The following MDM1 variants were observed in gnomAD, a reference collection of about 807,000 sequenced individuals.
MDM1 encodes stabilizer of axonemal microtubules 6, also known as Mdm1 nuclear protein.
A neutral mutation model predicts 89.1 loss-of-function variants in MDM1; 61 were observed. That is an observed-to-expected ratio of 0.68 (90% CI 0.56 to 0.85). MDM1 has a LOEUF of 0.85. Among genes scored for constraint, MDM1 ranks in the 40% least tolerant of loss-of-function variants. MDM1 has a pLI of 0.00. For missense variants in MDM1, 820 were observed against 846.5 expected, an observed-to-expected ratio of 0.97 and a Z score of 0.39; for synonymous variants, 290 against 294.1, an observed-to-expected ratio of 0.99 and a Z score of 0.14.
At chr12:68,327,199 A>C in intron 2 of MDM1, 178 bp from the exon 3 acceptor site, 1 of 1,397,442 alleles carries the variant, frequency 7.2e-7, no homozygotes, top group Non-Finnish European at 9.3e-7. Context: ...TTTCAACATA[A>C]AATATTTAAT....
At chr12:68,327,047 G>T in intron 2 of MDM1, 26 bp from the exon 3 acceptor site, 2 of 1,542,532 alleles carry the variant, frequency 1.3e-6, no homozygotes, top group South Asian at 2.5e-5. Context: ...TACAAAAATA[G>T]TAGCTACTAA....
intron 7 of MDM1, among the ~76,000 whole-genome samples, chr12:68,320,617 A>G (rs1033697889): frequency 3.9e-5 from 6 of 152,152 alleles, no homozygotes; most frequent in South Asian, 4.1e-4. Flanking sequence ...TCCCCATCCA[A>G]ATTATCCTTC....
intron 7 of MDM1, among the ~76,000 whole-genome samples, chr12:68,320,401 CAA>C (rs10603239): frequency 0.18 from 28,122 of 152,116 alleles, 2,958 homozygotes; most frequent in Admixed American, 0.26. Flanking sequence ...AGAAAGAAAG[CAA>C]AAGAGTGGCC....
intron 12 of MDM1, 108 bp from the exon 13 acceptor site, chr12:68,302,980 ATATG>A: frequency 1.0e-6 from 1 of 960,082 alleles, no homozygotes; most frequent in Non-Finnish European, 1.5e-6. Context: ...AGAAGGAGAA[ATATG>A]AGAGAATTTA....
At chr12:68,330,953 G>C in intron 2 of MDM1, 154 bp downstream of exon 2, 1 of 603,938 alleles carries the variant, frequency 1.7e-6, no homozygotes, top group East Asian at 2.7e-5. Context: ...ATAAATACTT[G>C]ATTAATAAAT....
intron 7 of MDM1, among the ~76,000 whole-genome samples, chr12:68,318,530 ATAT>A (rs529108150): frequency 1.2e-4 from 19 of 152,348 alleles, no homozygotes; most frequent in African/African-American, 4.3e-4. Flanking sequence ...CTCAGTGCTA[ATAT>A]TATATTTTAC....
intron 12 of MDM1, among the ~76,000 whole-genome samples, chr12:68,308,091 T>C (rs1873162346): frequency 6.6e-6 from 1 of 151,676 alleles, no homozygotes; most frequent in Non-Finnish European, 1.5e-5. Context: ...TCTGGGTTCT[T>C]GCCCTAGGGA....
Position 68,302,765 on chromosome 12 carries a change from A to G in MDM1, c.1857T>C (p.Ala619=), listed in dbSNP as rs760776935. ...EDSEDNIHKF[A]EATLPVSKIP... is the part of the protein sequence containing the mutation. ...TTTTTGAAACTGGAAGAGTTGCCTCAGCAAATTTGTGGATATTGTCTTCAG... is the reference window on the plus strand; with the variant it reads ...TTTTTGAAACTGGAAGAGTTGCCTCGGCAAATTTGTGGATATTGTCTTCAG... The change falls in exon 13 of 15, where the codon GCT becomes GCC. Residue 619 remains alanine, a synonymous_variant. Coordinates refer to ENST00000682720, the MANE Select transcript of MDM1 (RefSeq NM_001354969.2). 6.2e-7 allele frequency: 1 copy of G among 1,614,010 alleles called. No homozygotes were observed. Among genetic ancestry groups the G allele is most frequent in the South Asian group, 1.1e-5 (1 of 91,076 alleles).
At chr12:68,308,970 C>T (rs1285219128) in intron 12 of MDM1, among the ~76,000 whole-genome samples, 4 of 152,210 alleles carry the variant, frequency 2.6e-5, no homozygotes, top group Non-Finnish European at 4.4e-5. Flanking sequence ...TCCTACCCTC[C>T]TTCATCCAAG....
chr12:68,302,582 TATTTTA>T, intron 13 of MDM1, 32 bp downstream of exon 13: 1 of 1,559,492 alleles, frequency 6.4e-7, no homozygotes, highest in Admixed American at 1.8e-5. Flanking sequence ...CATAACACTT[TATTTTA>T]AAAGACAAAA....
chr12:68,329,634 T>A (rs922768885), intron 2 of MDM1, among the ~76,000 whole-genome samples: 2 of 152,206 alleles, frequency 1.3e-5, no homozygotes, highest in African/African-American at 4.8e-5. Context: ...TTAGGCTAAT[T>A]CATTCATTCA....
chr12:68,323,298 C>A, intron 4 of MDM1, 58 bp from the exon 5 acceptor site: 1 of 1,213,930 alleles, frequency 8.2e-7, no homozygotes, highest in South Asian at 1.5e-5. Flanking sequence ...GAACTTTGGT[C>A]TTCAATTACT....
At chr12:68,312,348 T>C (rs941766458) in intron 12 of MDM1, among the ~76,000 whole-genome samples, 2 of 152,220 alleles carry the variant, frequency 1.3e-5, no homozygotes, top group Non-Finnish European at 2.9e-5. Flanking sequence ...AAATGGCGAC[T>C]CCATCCTTAT....
At chr12:68,315,344 C>A in intron 9 of MDM1, 79 bp from the exon 10 acceptor site, 1 of 1,337,218 alleles carries the variant, frequency 7.5e-7, no homozygotes, top group South Asian at 1.4e-5. Context: ...GTGAGTCCAT[C>A]ATTTCCTTCT....
chr12:68,302,660 T>G lies in MDM1; in HGVS notation c.1962A>C (p.Arg654=). The change falls in exon 13 of 15, where the codon CGA becomes CGC. Residue 654 remains arginine, a synonymous_variant. Transcript: ENST00000682720. ...CTGGATCTCTAAGAGAGCCCTGAAT[T>G]CGTCGAGAGGGATGCCAGTAGGATG... is the stretch of plus-strand genomic sequence containing the variant. ...HVPSYWHPSR[R]IQGSLRDPEF... 1 of 1,613,826 alleles carries G rather than the reference T, an allele frequency of 6.2e-7. No individual in the cohort carries two copies. Among genetic ancestry groups the G allele is most frequent in the Non-Finnish European group, 8.5e-7 (1 of 1,179,842 alleles).
rs2306395 is a variant in MDM1 at position 68,315,417 on chromosome 12, T to C, written c.1212-152A>G. The C allele has an allele frequency of 9.2e-4, 630 of 683,090 alleles. 5 individuals are homozygous for C. The East Asian group carries it at 0.014, about 15-fold the overall frequency. 42.3% of individuals were successfully genotyped at this position (683,090 alleles called of 1,614,324 possible). A position where few individuals can be genotyped will look rare whatever the true frequency, so the allele number is the denominator to read the frequency against. The stretch of plus-strand genomic sequence containing the variant: ...TGCTCAGGTATTGAAGAAGGAAATC[T>C]AATTCGTTTTATAGCAAAATAAATG... On this transcript the variant is annotated intron_variant, in intron 9 of 14. Transcript: ENST00000682720.
intron 12 of MDM1, among the ~76,000 whole-genome samples, chr12:68,311,237 C>T (rs1268975018): frequency 1.3e-5 from 2 of 152,150 alleles, no homozygotes; most frequent in Non-Finnish European, 2.9e-5. Context: ...TGGAGAAGGG[C>T]ACACAACCCT....
chr12:68,316,722 C>A, intron 7 of MDM1, 112 bp from the exon 8 acceptor site: 1 of 862,108 alleles, frequency 1.2e-6, no homozygotes, highest in Non-Finnish European at 1.8e-6. Flanking sequence ...CCAAACTTGT[C>A]AATCAATATT....
intron 12 of MDM1, among the ~76,000 whole-genome samples, chr12:68,308,010 GCCTC>G (rs1431061995): frequency 6.7e-6 from 1 of 149,880 alleles, no homozygotes; most frequent in African/African-American, 2.5e-5. Flanking sequence ...TCCTTACTCG[GCCTC>G]CCTTTCTAAT....
Sources: allele counts gnomAD v4.1 joint callset (sites outside exome capture counted in the v4.1 genomes callset), GRCh38; gene constraint gnomAD v4.1.1; transcripts MANE v1.5; gene names NCBI Gene and HGNC (gene_info 2026-07-23, HGNC 2026-07-21).